Variants in DNAH5 observed in about 807,000 individuals in gnomAD.
DNAH5 encodes dynein axonemal heavy chain 5.
In DNAH5, 372 loss-of-function variants were observed where a neutral mutation model predicts 518.2. The observed-to-expected ratio is 0.72, with a 90% CI of 0.66 to 0.78. The LOEUF is 0.78. DNAH5 is among the 30% of genes least tolerant of loss of function. DNAH5 has a pLI of 0.00. For synonymous variants in DNAH5, 2,039 were observed against 2,025.9 expected (o/e 1.01, Z -0.17); for missense variants, 5,523 against 5,687.0 (o/e 0.97, Z 0.93).
Position 13,830,204 on chromosome 5 carries a change from T to A in DNAH5, c.6071A>T (p.Gln2024Leu), listed in dbSNP as rs1161184929. The stretch of plus-strand genomic sequence containing the variant: ...ATCAAAACAACCCCAGGATCCAGAC[T>A]GTGCCAGTCCTTCGAAAGGAAATTA... ...GLGRIFKGLAQSGSWGCFDEF... is the reference protein window; with the variant it reads ...GLGRIFKGLALSGSWGCFDEF... Residue 2024 changes from glutamine (Q) to leucine (L), a missense_variant, in exon 37 of 79, where the codon CAG becomes CTG. Around this residue, in one of 3 missense-constraint regions of DNAH5, gnomAD observed 5,121 missense variants for 5,223.3 expected, o/e 0.98. Coordinates refer to ENST00000265104, the MANE Select transcript of DNAH5 (RefSeq NM_001369.3). 1 of 1,613,768 alleles carries A rather than the reference T, an allele frequency of 6.2e-7. No homozygotes were observed. The highest frequency in any genetic ancestry group is 2.2e-5 in the East Asian group (1 of 44,870).
At chr5:13,850,548 T>C (rs1042681665) in intron 31 of DNAH5, 104 bp downstream of exon 31, 1 of 925,300 alleles carries the variant, frequency 1.1e-6, no homozygotes, top group African/African-American at 1.6e-5. Context: ...TATATATAAA[T>C]TCAGCCTTAG....
chr5:13,857,430 A>G (rs1383424389), intron 30 of DNAH5, among the ~76,000 whole-genome samples: 1 of 152,238 alleles, frequency 6.6e-6, no homozygotes, highest in Admixed American at 6.5e-5. Context: ...AAAAATGGCT[A>G]TACTGCACAA....
At chr5:13,931,460 TA>T (rs1219829042) in intron 1 of DNAH5, among the ~76,000 whole-genome samples, 5 of 152,208 alleles carry the variant, frequency 3.3e-5, no homozygotes, top group African/African-American at 4.8e-5. Context: ...AATTGCAGAA[TA>T]CAGAGAAGCC....
chr5:13,909,298 T>C (rs1050370885), intron 12 of DNAH5, among the ~76,000 whole-genome samples: 9 of 152,268 alleles, frequency 5.9e-5, no homozygotes, highest in African/African-American at 1.7e-4. Flanking sequence ...GAGTAAGAGA[T>C]GAGCAGCAAT....
intron 72 of DNAH5, among the ~76,000 whole-genome samples, chr5:13,718,468 G>C (rs559401436): frequency 6.6e-6 from 1 of 152,314 alleles, no homozygotes; most frequent in African/African-American, 2.4e-5. Context: ...GCTGCCACTG[G>C]ATTTTTAACT....
intron 45 of DNAH5, 123 bp downstream of exon 45, chr5:13,809,936 T>G (rs1760327246): frequency 9.6e-7 from 1 of 1,040,158 alleles, no homozygotes; most frequent in South Asian, 1.4e-5. Context: ...CACACGAACG[T>G]TTTCATATCT....
chr5:13,837,290 G>C (rs1489831315), intron 35 of DNAH5, among the ~76,000 whole-genome samples: 1 of 152,222 alleles, frequency 6.6e-6, no homozygotes, highest in African/African-American at 2.4e-5. Flanking sequence ...GAGAAACTGT[G>C]CTTTTGAGGG....
At chr5:13,725,868 G>T (rs1346696124) in intron 70 of DNAH5, among the ~76,000 whole-genome samples, 1 of 152,152 alleles carries the variant, frequency 6.6e-6, no homozygotes, top group Non-Finnish European at 1.5e-5. Context: ...TGGCCAGACT[G>T]GTCTTGAACC....
chr5:13,727,658 T>G lies in DNAH5; in HGVS notation c.11884-2A>C. 1 of 1,613,722 alleles carries G rather than the reference T, an allele frequency of 6.2e-7. No homozygotes were observed. Among genetic ancestry groups the G allele is most frequent in the Non-Finnish European group, 8.5e-7 (1 of 1,179,672 alleles). ...CCACATTTTCTCATTTCTCGATATC[T>G]GAAAATACCATGGGATAAAAACTGT... is the stretch of plus-strand genomic sequence containing the variant. On this transcript the variant is annotated splice_acceptor_variant, in intron 69 of 78. Coordinates refer to ENST00000265104, the MANE Select transcript of DNAH5 (RefSeq NM_001369.3). LOFTEE classifies it high-confidence loss of function.
rs189379664 is a variant in DNAH5, at chr5:13,761,262, A to C, written c.10281+1460T>G. 5.3e-5 allele frequency among the ~76,000 whole-genome samples: 8 copies of C among 152,320 alleles called. No homozygotes were observed. In the East Asian group the frequency reaches 1.5e-3, roughly 29 times the overall value. ...ACTTAAAATGACAACAATAACAGAA[A>C]AAAACTATGCATCATGAACTTAACT... On this transcript the variant is annotated intron_variant, in intron 60 of 78. Transcript: ENST00000265104.
At chr5:13,902,886 C>T (rs1357933517) in intron 12 of DNAH5, among the ~76,000 whole-genome samples, 1 of 152,156 alleles carries the variant, frequency 6.6e-6, no homozygotes, top group East Asian at 1.9e-4. Context: ...TACAGAAACA[C>T]TTCCAAAGCC....
intron 25 of DNAH5, 109 bp from the exon 26 acceptor site, chr5:13,866,391 C>G: frequency 1.1e-6 from 1 of 898,558 alleles, no homozygotes; most frequent in Non-Finnish European, 1.7e-6. Context: ...TGATAGGAAA[C>G]TTCATTTTTA....
At chr5:13,918,158 A>C (rs1193717571) in intron 7 of DNAH5, among the ~76,000 whole-genome samples, 2 of 152,164 alleles carry the variant, frequency 1.3e-5, no homozygotes, top group Non-Finnish European at 2.9e-5. Context: ...TGTGGCTTCT[A>C]GGTTGGGGAC....
In DNAH5 at chr5:13,735,938, A is replaced by AG; in HGVS notation, c.11456-7dup. 6.2e-7 allele frequency: 1 copy of AG among 1,610,040 alleles called. No homozygotes were observed. The highest frequency in any genetic ancestry group is 8.5e-7 in the Non-Finnish European group (1 of 1,176,268). ...GATGCTGCCCCGCGTAGCCACTGGA[A>AG]GACAAAGAGCAAGGTTGCATGTGCT... On this transcript the variant is annotated splice_region_variant and splice_polypyrimidine_tract_variant and intron_variant, in intron 66 of 78. Transcript: ENST00000265104.
intron 77 of DNAH5, 67 bp downstream of exon 77, chr5:13,701,217 T>G (rs201809054): frequency 1.2e-6 from 2 of 1,601,046 alleles, no homozygotes; most frequent in East Asian, 2.2e-5. Context: ...TCTTTAAAAC[T>G]ATAATGATGG....
At chr5:13,752,733 T>G (rs1750416477) in intron 63 of DNAH5, among the ~76,000 whole-genome samples, 1 of 152,216 alleles carries the variant, frequency 6.6e-6, no homozygotes. Context: ...TCATATAGAT[T>G]TTTAGAGATC....
chr5:13,966,862 C>CTTTTTGTTTTTGT (rs1781562055), intron 1 of DNAH5, among the ~76,000 whole-genome samples: 1 of 151,804 alleles, frequency 6.6e-6, no homozygotes. Context: ...TTGTTTTTTG[C>CTTTTTGTTTTTGT]TTTTTGCTTT....
chr5:13,712,586 A>G (rs1037883920), intron 75 of DNAH5, among the ~76,000 whole-genome samples: 2 of 152,236 alleles, frequency 1.3e-5, no homozygotes, highest in African/African-American at 4.8e-5. Flanking sequence ...ACAAAGAACT[A>G]ATATCCAGAA....
At chr5:13,947,147 T>C (rs1214556317), upstream of DNAH5, among the ~76,000 whole-genome samples, 1 of 152,234 alleles carries the variant, frequency 6.6e-6, no homozygotes, top group African/African-American at 2.4e-5. Flanking sequence ...TAATGACAAG[T>C]AAAATGTTAC....
Sources: allele counts gnomAD v4.1 joint callset (sites outside exome capture counted in the v4.1 genomes callset), GRCh38; gene constraint gnomAD v4.1.1; regional missense constraint gnomAD v4.1.1; transcripts MANE v1.5; gene names NCBI Gene and HGNC (gene_info 2026-07-23, HGNC 2026-07-21).